The following PI4KA variants were observed in gnomAD, a reference collection of about 807,000 sequenced individuals.
PI4KA encodes the protein phosphatidylinositol 4-kinase alpha, also known as PI4-kinase alpha.
A neutral mutation model predicts 271.4 loss-of-function variants in PI4KA; 122 were observed. The observed-to-expected ratio is 0.45, with a 90% CI of 0.39 to 0.52. The LOEUF (loss-of-function observed/expected upper bound fraction) is 0.52, where lower values mean the gene tolerates loss of function less well. Ranked by LOEUF, PI4KA falls within the 20% of genes least tolerant of loss-of-function variation. The pLI is 0.00. For synonymous variants in PI4KA, 1,041 were observed against 1,078.8 expected, an observed-to-expected ratio of 0.96 and a Z score of 0.69; for missense variants, 1,969 against 2,769.1, an observed-to-expected ratio of 0.71 and a Z score of 6.48.
chr22:20,776,454 A>G (rs1933286036), intron 19 of PI4KA, among the ~76,000 whole-genome samples: 1 of 152,258 alleles, frequency 6.6e-6, no homozygotes. Flanking sequence ...AGTCAGAAAC[A>G]ATGTGACTTT....
intron 45 of PI4KA, among the ~76,000 whole-genome samples, chr22:20,715,655 A>G (rs1399611512): frequency 6.6e-6 from 1 of 150,646 alleles, no homozygotes; most frequent in Non-Finnish European, 1.5e-5. Context: ...GTGTACTTTT[A>G]GTTGAGACGG....
chr22:20,775,731 C>T (rs1310792127), intron 19 of PI4KA, among the ~76,000 whole-genome samples: 3 of 152,116 alleles, frequency 2.0e-5, no homozygotes, highest in Non-Finnish European at 4.4e-5. Context: ...CTCAAGCGAT[C>T]CTCCTGCCTT....
rs746238594 is a variant in PI4KA, at chr22:20,729,657, C to T, written c.4463G>A (p.Arg1488His). Residue 1488 changes from arginine (R) to histidine (H), a missense_variant, in exon 38 of 55, where the codon CGC (arginine) becomes CAC (histidine). By Grantham distance (29) the Arg-to-His change is conservative (BLOSUM62 0). Coordinates refer to ENST00000255882, the MANE Select transcript of PI4KA (RefSeq NM_058004.4). Reference sequence around the variant, plus strand: ...CAGCAGGGACAGCAGCAGCGTCCTGCGCTTCATGTAGTATTTGTGCAGCTG... The same window carrying T: ...CAGCAGGGACAGCAGCAGCGTCCTGTGCTTCATGTAGTATTTGTGCAGCTG... ...GSQLHKYYMK[R>H]RTLLLSLLAT... is the part of the protein sequence containing the mutation. 11 of 1,578,692 alleles carry T rather than the reference C, an allele frequency of 7.0e-6. No individual in the cohort carries two copies. The highest frequency in any genetic ancestry group is 2.3e-5 in the South Asian group (2 of 86,916).
At chr22:20,817,755 A>AAAAAAAAAAAAAAAAAAAAAAAAAAAAAG (rs1922022583) in intron 7 of PI4KA, among the ~76,000 whole-genome samples, 1 of 145,474 alleles carries the variant, frequency 6.9e-6, no homozygotes, top group Non-Finnish European at 1.5e-5. Flanking sequence ...AAAAAAAAAA[A>AAAAAAAAAAAAAAAAAAAAAAAAAAAAAG]AAAAAAAAAA....
rs767884235 is a variant in PI4KA at position 20,765,149 on chromosome 22, C to T, written c.2525G>A (p.Arg842Gln). ...LLTFPSKEPL[R>Q]SVLQYNSAMK... is the part of the protein sequence containing the mutation. ...GGCTGAGTTATACTGGAGGACGGAC[C>T]GCAGTGGCTCCTTGCTGGGAAAGGT... Residue 842 changes from arginine to glutamine, a missense_variant, in exon 21 of 55, where the codon CGG becomes CAG. Physicochemically the swap from Arg to Gln is conservative, Grantham distance 43. Around this residue, in one of 13 missense-constraint regions of PI4KA, gnomAD observed 368 missense variants for 544.3 expected, o/e 0.68. Transcript: ENST00000255882. 6 of 1,613,804 alleles carry T rather than the reference C, an allele frequency of 3.7e-6. No homozygotes were observed. The highest frequency in any genetic ancestry group is 1.1e-5 in the South Asian group (1 of 91,040).
intron 54 of PI4KA, among the ~76,000 whole-genome samples, chr22:20,708,399 C>T (rs559988454): frequency 1.4e-3 from 211 of 151,550 alleles, no homozygotes; most frequent in African/African-American, 4.8e-3. Context: ...GGGGTCTGTA[C>T]GCTCTCCTCG....
intron 27 of PI4KA, among the ~76,000 whole-genome samples, chr22:20,750,244 C>T (rs538018042): frequency 3.7e-4 from 57 of 152,232 alleles, no homozygotes; most frequent in African/African-American, 1.4e-3. Flanking sequence ...GAAATCTGGA[C>T]ACACAGAAAT....
chr22:20,733,130 G>C, intron 35 of PI4KA, 32 bp from the exon 36 acceptor site: 4 of 1,611,712 alleles, frequency 2.5e-6, no homozygotes, highest in Non-Finnish European at 3.4e-6. Context: ...CAAGGGCTGA[G>C]TGTCTGGAGT....
At chr22:20,786,765 C>T (rs765480597) in intron 19 of PI4KA, 1 of 1,112,092 alleles carries the variant, frequency 9.0e-7, no homozygotes, top group East Asian at 2.4e-5. Context: ...GTGATTTCCA[C>T]CTTACATGTT....
Position 20,770,531 on chromosome 22 carries a change from A to AAG in PI4KA, c.2329-4840_2329-4839dup, listed in dbSNP as rs1297304585. 4.2e-3 allele frequency among the ~76,000 whole-genome samples: 419 copies of AAG among 100,112 alleles called. 19 individuals carry two copies. The highest frequency in any genetic ancestry group is 5.5e-3 in the Non-Finnish European group (278 of 50,114). The allele number at this position is 100,112 out of a possible 152,430, so 65.7% of individuals were successfully genotyped here. ...TCCGTCTCAAAAAAAAAAAAAAAAA[A>AAG]AGAGAGAGAGAGAGATCGGTTTTGC... is the stretch of plus-strand genomic sequence containing the variant. On this transcript the variant is annotated intron_variant, in intron 19 of 54. Coordinates refer to ENST00000255882, the MANE Select transcript of PI4KA (RefSeq NM_058004.4).
At chr22:20,730,111 A>G in intron 36 of PI4KA, 100 bp from the exon 37 acceptor site, 1 of 1,360,322 alleles carries the variant, frequency 7.4e-7, no homozygotes, top group East Asian at 2.3e-5. Flanking sequence ...AATTAGTGGC[A>G]GAGCAGGCAT....
rs150877253 is a variant in PI4KA, at chr22:20,809,506, T to C, written c.1071+1461A>G. ...AAAGAACAAATTACAAAACAAAAAATACCAGAAACTGCCCTGGTTCAATGA... is the reference window on the plus strand; with the variant it reads ...AAAGAACAAATTACAAAACAAAAAACACCAGAAACTGCCCTGGTTCAATGA... On this transcript the variant is annotated intron_variant, in intron 9 of 54. Transcript: ENST00000255882. 2.2e-3 allele frequency among the ~76,000 whole-genome samples: 331 copies of C among 151,606 alleles called. 1 individual carries two copies. The highest frequency in any genetic ancestry group is 8.0e-3 in the African/African-American group (329 of 41,254).
rs771014936 is a variant in PI4KA, at chr22:20,799,285, G to A, written c.1821-9C>T. The A allele has an allele frequency of 4.0e-6, 6 of 1,512,916 alleles. No homozygotes were observed. Among genetic ancestry groups the A allele is most frequent in the South Asian group, 1.3e-5 (1 of 74,202 alleles). 93.7% of individuals were successfully genotyped at this position (1,512,916 alleles called of 1,614,324 possible). The stretch of plus-strand genomic sequence containing the variant: ...GAATCAAGTGAGCGTCCCTACAGAA[G>A]GAAGAACAGAAGCGCCCTAGCAACA... On this transcript the variant is annotated splice_polypyrimidine_tract_variant and intron_variant, in intron 15 of 54. Coordinates refer to ENST00000255882, the MANE Select transcript of PI4KA (RefSeq NM_058004.4).
rs1052945062 is a variant in PI4KA, at chr22:20,854,477, T to A, written c.156+4093A>T. 2.0e-5 allele frequency among the ~76,000 whole-genome samples: 3 copies of A among 152,118 alleles called. No individual in the cohort carries two copies. The East Asian group carries it at 5.8e-4, about 29-fold the overall frequency. On this transcript the variant is annotated intron_variant, in intron 1 of 54. Coordinates refer to ENST00000255882, the MANE Select transcript of PI4KA (RefSeq NM_058004.4). ...CAGAGCAGTAATAGGCTTGGTTTCA[T>A]GGACTGGGATTAGAGTGAGTGACTA...
At chr22:20,854,873 C>G (rs1337054446) in intron 1 of PI4KA, among the ~76,000 whole-genome samples, 1 of 152,258 alleles carries the variant, frequency 6.6e-6, no homozygotes, top group Non-Finnish European at 1.5e-5. Flanking sequence ...GAAACTTGGC[C>G]GGGCGTGGTG....
intron 42 of PI4KA, among the ~76,000 whole-genome samples, chr22:20,722,910 C>T (rs528955038): frequency 6.6e-6 from 1 of 152,230 alleles, no homozygotes; most frequent in South Asian, 2.1e-4. Context: ...TATAAGTTTG[C>T]TTTTTAATTA....
intron 45 of PI4KA, 30 bp downstream of exon 45, chr22:20,717,678 G>C (rs1205772649): frequency 6.5e-7 from 1 of 1,528,664 alleles, no homozygotes; most frequent in African/African-American, 1.4e-5. Context: ...GGAAGAGGTT[G>C]GTCTGAGCCT....
chr22:20,825,274 A>T (rs919241572), intron 3 of PI4KA, among the ~76,000 whole-genome samples: 9 of 152,002 alleles, frequency 5.9e-5, no homozygotes, highest in Non-Finnish European at 1.2e-4. Flanking sequence ...TTTAGTAATG[A>T]TGCTCTATTT....
intron 19 of PI4KA, chr22:20,780,316 C>T (rs1933669886): frequency 6.7e-7 from 1 of 1,501,090 alleles, no homozygotes. Context: ...GAAAACTAGA[C>T]ACAAGATTGA....
Sources: allele counts gnomAD v4.1 joint callset (sites outside exome capture counted in the v4.1 genomes callset), GRCh38; gene constraint gnomAD v4.1.1; regional missense constraint gnomAD v4.1.1; transcripts MANE v1.5; gene names NCBI Gene and HGNC (gene_info 2026-07-23, HGNC 2026-07-21).